ENTPD6: variants seen among roughly 807,000 people sequenced by gnomAD.
ENTPD6 encodes the protein CD39 antigen-like 2.
Under a neutral mutation model 61.5 loss-of-function variants are expected in ENTPD6, and 46 were observed. The observed-to-expected ratio is 0.75, with a 90% CI of 0.59 to 0.96. The LOEUF is 0.96. Among genes scored for constraint, ENTPD6 ranks in the 40% least tolerant of loss-of-function variants. The pLI is 0.00. For synonymous variants in ENTPD6, 252 were observed against 255.5 expected, an observed-to-expected ratio of 0.99 and a Z score of 0.13; for missense variants, 612 against 629.0, an observed-to-expected ratio of 0.97 and a Z score of 0.29.
intron 1 of ENTPD6, among the ~76,000 whole-genome samples, chr20:25,201,212 G>C (rs930200943): frequency 2.0e-5 from 3 of 152,080 alleles, no homozygotes; most frequent in Non-Finnish European, 2.9e-5. Context: ...ATGCATTAAG[G>C]CCTGTTTTGT....
At chr20:25,196,840 C>A (rs2122265874) in intron 1 of ENTPD6, among the ~76,000 whole-genome samples, 1 of 152,284 alleles carries the variant, frequency 6.6e-6, no homozygotes, top group South Asian at 2.1e-4. Flanking sequence ...TTTTGTCCCC[C>A]TCCCCTTGCC....
chr20:25,223,035 G>C, intron 12 of ENTPD6, 57 bp downstream of exon 12: 35 of 1,109,568 alleles, frequency 3.2e-5, no homozygotes, highest in Non-Finnish European at 4.1e-5. Context: ...GGCGGGGGTG[G>C]AGGGCGTGTG....
intron 1 of ENTPD6, among the ~76,000 whole-genome samples, chr20:25,205,866 C>A (rs3787075): frequency 1.3e-5 from 2 of 152,084 alleles, no homozygotes; most frequent in African/African-American, 4.8e-5. Flanking sequence ...GCCTGCTCCC[C>A]GTGCTTTGCC....
Position 25,207,280 on chromosome 20 carries a change from G to T in ENTPD6, c.259G>T (p.Ala87Ser). The T allele has an allele frequency of 1.2e-6, 2 of 1,612,712 alleles. No individual in the cohort carries two copies. Among genetic ancestry groups the T allele is most frequent in the Non-Finnish European group, 1.7e-6 (2 of 1,179,094 alleles). ...CCCGGGGGCCCGGTGGGGTCAGCAG[G>T]CCCACAGCCCCCTGGGGACAGCTGC... Reference protein sequence around the residue: ...AAPGARWGQQAHSPLGTAADG... With the variant: ...AAPGARWGQQSHSPLGTAADG... Residue 87 changes from alanine (A) to serine (S), a missense_variant, in exon 3 of 15, where the codon GCC becomes TCC. Ala to Ser is a moderately conservative substitution (Grantham distance 99). Transcript: ENST00000376652.
In ENTPD6 at chr20:25,227,906, A is replaced by G. The variant is rs182026696; in HGVS notation, c.*2309A>G. 1.3e-4 allele frequency among the ~76,000 whole-genome samples: 20 copies of G among 152,398 alleles called. No individual in the cohort carries two copies. In the East Asian group the frequency reaches 3.7e-3, roughly 28 times the overall value. The stretch of plus-strand genomic sequence containing the variant: ...CTTTGCCATTCTGGCAGATTTAAAA[A>G]AATGATAACTGGTAGTTTTAATATG... On this transcript the variant is annotated 3_prime_UTR_variant, in exon 15 of 15. Coordinates refer to ENST00000376652, the MANE Select transcript of ENTPD6 (RefSeq NM_001247.5).
At position 25,207,132 on chromosome 20, in the gene ENTPD6, C is replaced by G; in HGVS notation, c.111C>G (p.Ser37Arg). Reference sequence around the variant, plus strand: ...TGAGAAAAATATCCAACCACGGGAGCCTGCGGGTGGCGAAGGTGGCATACC... The same window carrying G: ...TGAGAAAAATATCCAACCACGGGAGGCTGCGGGTGGCGAAGGTGGCATACC... ...TRMRKISNHGSLRVAKVAYPL... is the reference protein window; with the variant it reads ...TRMRKISNHGRLRVAKVAYPL... Residue 37 changes from serine (S) to arginine (R), a missense_variant, in exon 3 of 15, where the codon AGC (serine) becomes AGG (arginine). Ser to Arg is a moderately radical substitution (Grantham distance 110). Coordinates refer to ENST00000376652, the MANE Select transcript of ENTPD6 (RefSeq NM_001247.5). The G allele has an allele frequency of 6.2e-7, 1 of 1,613,816 alleles. No individual in the cohort carries two copies. The highest frequency in any genetic ancestry group is 8.5e-7 in the Non-Finnish European group (1 of 1,179,778).
intron 5 of ENTPD6, 122 bp downstream of exon 5, chr20:25,213,528 T>G (rs1437794143): frequency 8.8e-6 from 9 of 1,017,870 alleles, no homozygotes; most frequent in Non-Finnish European, 1.3e-5. Flanking sequence ...TGAAGAAAAG[T>G]TTGCAGCATC....
intron 1 of ENTPD6, among the ~76,000 whole-genome samples, chr20:25,205,827 G>A (rs1379897486): frequency 1.3e-5 from 2 of 152,196 alleles, no homozygotes; most frequent in Non-Finnish European, 2.9e-5. Context: ...GGCCACAGGC[G>A]GGACCTCAGG....
At position 25,226,748 on chromosome 20, in the gene ENTPD6, A is replaced by T. The variant is rs796328739; in HGVS notation, c.*1151A>T. On this transcript the variant is annotated 3_prime_UTR_variant, in exon 15 of 15. Transcript: ENST00000376652. ...TCTCTGGGATTCCTCTCGTTGAGCGACAGTAGCATTTGCCCACCTGGCACC... is the reference window on the plus strand; with the variant it reads ...TCTCTGGGATTCCTCTCGTTGAGCGTCAGTAGCATTTGCCCACCTGGCACC... 1.2e-4 allele frequency: 18 copies of T among 152,458 alleles called. No homozygotes were observed. The highest frequency in any genetic ancestry group is 4.3e-4 in the African/African-American group (18 of 41,584). The allele number at this position is 152,458 out of a possible 1,614,324, so 9.4% of individuals were successfully genotyped here.
intron 7 of ENTPD6, 147 bp from the exon 8 acceptor site, chr20:25,216,501 A>G: frequency 3.2e-6 from 2 of 622,302 alleles, no homozygotes; most frequent in South Asian, 3.8e-5. Context: ...TTAGATATAT[A>G]GTGTACCCTT....
chr20:25,208,915 ATTTTAT>A (rs1479550527), intron 3 of ENTPD6, among the ~76,000 whole-genome samples: 2 of 151,776 alleles, frequency 1.3e-5, no homozygotes, highest in Non-Finnish European at 1.5e-5. Flanking sequence ...TTTATTTTTT[ATTTTAT>A]TTTTATTTTT....
At chr20:25,224,415 A>T in intron 13 of ENTPD6, 1 of 333,640 alleles carries the variant, frequency 3.0e-6, no homozygotes, top group Non-Finnish European at 5.5e-6. Context: ...TTCCCCTGGG[A>T]TGTCCCAGTA....
At chr20:25,201,687 A>G (rs773853959) in intron 1 of ENTPD6, among the ~76,000 whole-genome samples, 3 of 152,226 alleles carry the variant, frequency 2.0e-5, no homozygotes, top group Non-Finnish European at 4.4e-5. Context: ...TAGAATATAC[A>G]GCTGACCTTT....
At chr20:25,218,035 A>G (rs1383929946) in intron 9 of ENTPD6, among the ~76,000 whole-genome samples, 1 of 144,924 alleles carries the variant, frequency 6.9e-6, no homozygotes, top group Non-Finnish European at 1.5e-5. Context: ...TCTACAGTAT[A>G]CGCACATTCA....
intron 10 of ENTPD6, 140 bp downstream of exon 10, chr20:25,218,754 G>A (rs969499938): frequency 5.9e-5 from 52 of 878,854 alleles, no homozygotes; most frequent in South Asian, 3.1e-4. Flanking sequence ...CTGCTGTCCC[G>A]CTGCATGCTG....
chr20:25,222,638 A>G (rs2092676355), intron 11 of ENTPD6, 200 bp from the exon 12 acceptor site: 3 of 590,940 alleles, frequency 5.1e-6, no homozygotes, highest in Non-Finnish European at 8.5e-6. Context: ...GCCGGGACCA[A>G]CAATGCCCTG....
At chr20:25,203,581 C>T (rs2091218366) in intron 1 of ENTPD6, among the ~76,000 whole-genome samples, 2 of 152,184 alleles carry the variant, frequency 1.3e-5, no homozygotes, top group Non-Finnish European at 2.9e-5. Context: ...CTCAGCTCCA[C>T]AATTTCTGTT....
At chr20:25,217,978 C>A (rs949513406) in intron 9 of ENTPD6, among the ~76,000 whole-genome samples, 1 of 144,740 alleles carries the variant, frequency 6.9e-6, no homozygotes, top group Non-Finnish European at 1.5e-5. Context: ...TCTCTCTCCT[C>A]CTCCTCCTCC....
In ENTPD6 at chr20:25,226,581, G is replaced by A. The variant is rs2092799417; in HGVS notation, c.*984G>A. 1 of 152,658 alleles carries A rather than the reference G, an allele frequency of 6.6e-6. No homozygotes were observed. Among genetic ancestry groups the A allele is most frequent in the Admixed American group, 6.5e-5 (1 of 15,282 alleles). The allele number at this position is 152,658 out of a possible 1,614,324, so 9.5% of individuals were successfully genotyped here. On this transcript the variant is annotated 3_prime_UTR_variant, in exon 15 of 15. Transcript: ENST00000376652. ...CCCACCTCCTCCATGGACAGTGTGA[G>A]CCCCGGGCCGTGCATCCTGCTCAGT...
Sources: gnomAD v4.1 joint callset for allele counts (sites outside exome capture counted in the v4.1 genomes callset) on GRCh38, gnomAD v4.1.1 for gene constraint, MANE v1.5 for transcripts, NCBI Gene and HGNC (gene_info 2026-07-23, HGNC 2026-07-21) for gene names.